LYPD6B: variants seen among roughly 807,000 people sequenced by gnomAD.
The protein encoded by LYPD6B is ly6/PLAUR domain-containing protein 6B.
Under a neutral mutation model 22.8 loss-of-function variants are expected in LYPD6B, and 17 were observed. The ratio of observed to expected loss-of-function variants is 0.75; its 90% CI spans 0.51 to 1.12. LYPD6B has a LOEUF of 1.12. Ranked by LOEUF, LYPD6B falls within the 50% of genes most tolerant of loss-of-function variation. The pLI, the probability that LYPD6B is intolerant of heterozygous loss-of-function variation, is 0.00. For synonymous variants in LYPD6B, 106 were observed against 91.6 expected, an observed-to-expected ratio of 1.16 and a Z score of -0.90; for missense variants, 221 against 258.3, an observed-to-expected ratio of 0.86 and a Z score of 0.99.
chr2:149,158,541 T>C (rs1475199149), intron 2 of LYPD6B, among the ~76,000 whole-genome samples: 1 of 152,140 alleles, frequency 6.6e-6, no homozygotes, highest in African/African-American at 2.4e-5. Flanking sequence ...GGAATTAGCA[T>C]TTAAAGGGTA....
At chr2:149,083,282 A>C (rs998660609) in intron 1 of LYPD6B, among the ~76,000 whole-genome samples, 1 of 152,212 alleles carries the variant, frequency 6.6e-6, no homozygotes, top group Non-Finnish European at 1.5e-5. Flanking sequence ...CTTGAGATGC[A>C]TCGCCTGAGG....
chr2:149,079,657 C>G (rs2105388680), intron 1 of LYPD6B, among the ~76,000 whole-genome samples: 1 of 152,208 alleles, frequency 6.6e-6, no homozygotes, highest in Middle Eastern at 3.4e-3. Context: ...TTCTTTTTAG[C>G]AGATTCAGGC....
At position 149,105,631 on chromosome 2, in the gene LYPD6B, G is replaced by C. The variant is rs114665763; in HGVS notation, c.-66-25252G>C. ...GTTGCTGGTATGTAGAAATACAGTT[G>C]ATTTTTGTGTATTTATCTTACTGCA... On this transcript the variant is annotated intron_variant, in intron 1 of 6. Transcript: ENST00000409642. Among the ~76,000 whole-genome samples, 408 of 152,084 alleles carry C rather than the reference G, an allele frequency of 2.7e-3. 1 individual carries two copies. Among genetic ancestry groups the C allele is most frequent in the African/African-American group, 9.3e-3 (386 of 41,496 alleles).
intron 5 of LYPD6B, among the ~76,000 whole-genome samples, chr2:149,209,934 T>A (rs1006878963): frequency 1.3e-5 from 2 of 152,218 alleles, no homozygotes; most frequent in African/African-American, 4.8e-5. Context: ...AATTTATCTT[T>A]GTTATTTCAA....
intron 1 of LYPD6B, chr2:149,101,301 A>G (rs1476511550): frequency 6.6e-6 from 1 of 152,272 alleles, no homozygotes; most frequent in Non-Finnish European, 1.5e-5. Context: ...GGAACTGCGA[A>G]TGCTTCGTTT....
chr2:149,190,949 T>A (rs533465116), intron 3 of LYPD6B, among the ~76,000 whole-genome samples: 1 of 152,206 alleles, frequency 6.6e-6, no homozygotes, highest in South Asian at 2.1e-4. Flanking sequence ...GTGTTTTGAA[T>A]CATGGTTAGA....
chr2:149,189,367 T>TATATAC (rs1290881582), intron 3 of LYPD6B, among the ~76,000 whole-genome samples: 1 of 81,018 alleles, frequency 1.2e-5, no homozygotes, highest in Admixed American at 1.3e-4. Context: ...TATATATATA[T>TATATAC]ACACACACAT....
At chr2:149,114,999 G>T (rs749632671) in intron 1 of LYPD6B, among the ~76,000 whole-genome samples, 1 of 152,108 alleles carries the variant, frequency 6.6e-6, no homozygotes, top group Non-Finnish European at 1.5e-5. Context: ...GAGTGCAGTG[G>T]CATGGTCTCG....
chr2:149,125,882 G>A (rs893976189), intron 1 of LYPD6B, among the ~76,000 whole-genome samples: 64 of 151,904 alleles, frequency 4.2e-4, no homozygotes, highest in African/African-American at 1.5e-3. Context: ...TTGAAGTTTT[G>A]TTGATAGTAA....
chr2:149,193,194 G>A (rs1009067512), intron 3 of LYPD6B, among the ~76,000 whole-genome samples: 13 of 152,086 alleles, frequency 8.5e-5, no homozygotes, highest in Non-Finnish European at 1.5e-4. Context: ...AGTCTCTTAG[G>A]CACTTGTAGT....
intron 4 of LYPD6B, 66 bp from the exon 5 acceptor site, chr2:149,208,248 C>G: frequency 9.2e-7 from 1 of 1,081,846 alleles, no homozygotes; most frequent in Non-Finnish European, 1.4e-6. Flanking sequence ...CATTTTGTAC[C>G]ATGTTTGATG....
At chr2:149,214,511 T>C in intron 6 of LYPD6B, 35 bp from the exon 7 acceptor site, 1 of 1,603,438 alleles carries the variant, frequency 6.2e-7, no homozygotes, top group Non-Finnish European at 8.5e-7. Context: ...TCTTCTATTA[T>C]TCACTGTCAT....
intron 1 of LYPD6B, among the ~76,000 whole-genome samples, chr2:149,109,319 A>G (rs1686645331): frequency 6.6e-6 from 1 of 152,074 alleles, no homozygotes; most frequent in Admixed American, 6.6e-5. Flanking sequence ...TTTTTCTTTC[A>G]GCACTTTAAA....
chr2:149,133,284 G>A (rs998701010), intron 2 of LYPD6B, among the ~76,000 whole-genome samples: 1 of 152,178 alleles, frequency 6.6e-6, no homozygotes, highest in African/African-American at 2.4e-5. Context: ...AGCCTCTGTG[G>A]TTAGTTTAAT....
intron 3 of LYPD6B, among the ~76,000 whole-genome samples, chr2:149,173,979 T>C: frequency 6.6e-6 from 1 of 152,256 alleles, no homozygotes; most frequent in East Asian, 1.9e-4. Context: ...TAAATTGCTT[T>C]GGGCAGTACG....
At chr2:149,117,702 T>C (rs983288595) in intron 1 of LYPD6B, among the ~76,000 whole-genome samples, 1 of 152,202 alleles carries the variant, frequency 6.6e-6, no homozygotes, top group African/African-American at 2.4e-5. Context: ...TTGGGTTATG[T>C]AGCTATATGG....
At chr2:149,202,656 C>T (rs1693242990) in intron 3 of LYPD6B, among the ~76,000 whole-genome samples, 3 of 152,248 alleles carry the variant, frequency 2.0e-5, no homozygotes, top group Admixed American at 6.5e-5. Context: ...GCATTAGAGT[C>T]AAGACCTTGT....
chr2:149,069,023 CT>C (rs777443480), intron 1 of LYPD6B: 1 of 154,400 alleles, frequency 6.5e-6, no homozygotes, highest in African/African-American at 2.4e-5. Flanking sequence ...CTGTCCATAC[CT>C]TTCTGAAGTT....
chr2:149,043,989 A>G (rs966622998), intron 1 of LYPD6B, among the ~76,000 whole-genome samples: 2 of 152,102 alleles, frequency 1.3e-5, no homozygotes, highest in African/African-American at 4.8e-5. Context: ...ATTGATCTGT[A>G]TGCTTACTTC....
Sources: gnomAD v4.1 joint callset for allele counts (sites outside exome capture counted in the v4.1 genomes callset) on GRCh38, gnomAD v4.1.1 for gene constraint, MANE v1.5 for transcripts, NCBI Gene and HGNC (gene_info 2026-07-23, HGNC 2026-07-21) for gene names.